Variants in NSD2 observed in about 807,000 individuals in gnomAD.
NSD2 encodes histone-lysine N-methyltransferase NSD2.
NSD2 carries 12 observed loss-of-function variants against 139.0 expected under a neutral mutation model. That is an observed-to-expected ratio of 0.09 (90% CI 0.06 to 0.14). The LOEUF is 0.14. Among genes scored for constraint, NSD2 ranks in the 10% least tolerant of loss-of-function variants. The pLI is 1.00. For synonymous variants in NSD2, 669 were observed against 648.7 expected, an observed-to-expected ratio of 1.03 and a Z score of -0.48; for missense variants, 1,155 against 1,745.0, an observed-to-expected ratio of 0.66 and a Z score of 6.02.
intron 5 of NSD2, among the ~76,000 whole-genome samples, chr4:1,924,177 TA>T (rs1293922227): frequency 6.6e-6 from 1 of 151,728 alleles, no homozygotes; most frequent in African/African-American, 2.4e-5. Context: ...CTACCAAAAA[TA>T]AAAATAAAAT....
chr4:1,957,908 T>G, intron 15 of NSD2, 25 bp from the exon 16 acceptor site: 1 of 1,606,614 alleles, frequency 6.2e-7, no homozygotes, highest in Non-Finnish European at 8.5e-7. Context: ...CTAAAATCTT[T>G]ACTCCTATTT....
rs115641423 is a variant in NSD2 at position 1,958,146 on chromosome 4, A to T, written c.2985+110A>T. On this transcript the variant is annotated intron_variant, in intron 16 of 21. Coordinates refer to ENST00000508803, the MANE Select transcript of NSD2 (RefSeq NM_001042424.3). The surrounding 1 kb of genome is among the most constrained non-coding windows in gnomAD (Gnocchi z 4.6). ...GCTGGGGAGAGGACTGTCACCAGCC[A>T]GGATCTGTGGTGCCTGGCATGGATG... 1.1e-3 allele frequency: 1,184 copies of T among 1,118,236 alleles called. 2 individuals carry two copies. The African/African-American group carries it at 0.015, about 14-fold the overall frequency. 69.3% of individuals were successfully genotyped at this position (1,118,236 alleles called of 1,614,324 possible).
chr4:1,965,549 T>A (rs1371782566), intron 18 of NSD2, among the ~76,000 whole-genome samples: 1 of 152,198 alleles, frequency 6.6e-6, no homozygotes, highest in East Asian at 1.9e-4. Context: ...GATCAAACTT[T>A]CGAAAACCAG....
At chr4:1,960,597 A>G (rs1725268535) in intron 17 of NSD2, among the ~76,000 whole-genome samples, 3 of 152,370 alleles carry the variant, frequency 2.0e-5, no homozygotes, top group South Asian at 4.1e-4. Flanking sequence ...CAGCAACAGC[A>G]CAAAAGGTTG....
chr4:1,885,180 G>A (rs1714996099), intron 1 of NSD2, among the ~76,000 whole-genome samples: 1 of 152,064 alleles, frequency 6.6e-6, no homozygotes, highest in Non-Finnish European at 1.5e-5. Flanking sequence ...AAATAGTGCT[G>A]CTTGTTTGTC....
intron 5 of NSD2, among the ~76,000 whole-genome samples, chr4:1,927,746 AAAAG>A (rs1226533306): frequency 2.3e-4 from 34 of 148,130 alleles, no homozygotes; most frequent in Non-Finnish European, 3.7e-4. Context: ...AAAAAAAAAA[AAAAG>A]CCGTGTAGGG....
Position 1,948,740 on chromosome 4 carries a change from A to G in NSD2, c.1882-2332A>G. ...TTATTTCCTCAAAACAGACTTTGTTAATGTAGGAAATCTCTCCAAGTGGAA... is the reference window on the plus strand; with the variant it reads ...TTATTTCCTCAAAACAGACTTTGTTGATGTAGGAAATCTCTCCAAGTGGAA... On this transcript the variant is annotated intron_variant, in intron 9 of 21. Transcript: ENST00000508803. This position sits in a 1 kb window ranked among gnomAD's most constrained non-coding sequence, Gnocchi z 4.5. The G allele has an allele frequency of 9.5e-7, 1 of 1,049,354 alleles. No individual in the cohort carries two copies. Among genetic ancestry groups the G allele is most frequent in the Non-Finnish European group, 1.2e-6 (1 of 868,222 alleles). 65.0% of individuals were successfully genotyped at this position (1,049,354 alleles called of 1,614,324 possible).
chr4:1,951,428 A>G (rs750267784), intron 10 of NSD2, among the ~76,000 whole-genome samples: 5 of 145,744 alleles, frequency 3.4e-5, no homozygotes, highest in Admixed American at 6.9e-5. Flanking sequence ...TGAGATTTGT[A>G]TACACATCAT....
intron 1 of NSD2, among the ~76,000 whole-genome samples, chr4:1,884,773 C>T (rs1188931764): frequency 6.6e-6 from 1 of 152,148 alleles, no homozygotes. Flanking sequence ...TTATTGGGTT[C>T]TTTTCAGTTG....
chr4:1,959,348 C>T (rs1725142434), intron 16 of NSD2, 123 bp from the exon 17 acceptor site: 4 of 1,124,902 alleles, frequency 3.6e-6, no homozygotes, highest in Non-Finnish European at 5.1e-6. Flanking sequence ...GTGTCCTAGC[C>T]AGGACTCTGA....
chr4:1,911,594 A>AG (rs1560621223), intron 3 of NSD2, among the ~76,000 whole-genome samples: 1 of 141,698 alleles, frequency 7.1e-6, no homozygotes, highest in Non-Finnish European at 1.6e-5. Context: ...TCTCAAAAAA[A>AG]AAAAAAAAAA....
chr4:1,957,814 T>C, intron 15 of NSD2, 119 bp from the exon 16 acceptor site: 1 of 973,640 alleles, frequency 1.0e-6, no homozygotes, highest in South Asian at 1.7e-5. Flanking sequence ...TCTAGTTTTA[T>C]GGGAACCAGA....
chr4:1,957,182 G>T (rs371036686), intron 15 of NSD2, among the ~76,000 whole-genome samples: 1 of 152,250 alleles, frequency 6.6e-6, no homozygotes, highest in East Asian at 1.9e-4. Context: ...TTCTTGGGAC[G>T]GATTGTAGGG....
intron 1 of NSD2, among the ~76,000 whole-genome samples, chr4:1,877,980 G>A (rs1577348839): frequency 6.6e-6 from 1 of 151,940 alleles, no homozygotes; most frequent in Admixed American, 6.6e-5. Flanking sequence ...AGGGAACCAC[G>A]ATTATGCCAC....
chr4:1,904,471 C>T (rs1179612799), intron 3 of NSD2, 93 bp downstream of exon 3: 7 of 1,362,814 alleles, frequency 5.1e-6, no homozygotes, highest in African/African-American at 1.5e-5. Flanking sequence ...CTAAATAGCC[C>T]TGCTATGGTT....
chr4:1,973,399 C>T lies in NSD2; in HGVS notation c.3373-1464C>T, dbSNP rs185360294. Reference sequence around the variant, plus strand: ...CCATGTGCATGCCCCGTGCTGTCCTCGTCCCCAGGGCCCTGCAGAAGTGGT... The same window carrying T: ...CCATGTGCATGCCCCGTGCTGTCCTTGTCCCCAGGGCCCTGCAGAAGTGGT... On this transcript the variant is annotated intron_variant, in intron 18 of 21. Transcript: ENST00000508803. The surrounding 1 kb of genome is among the most constrained non-coding windows in gnomAD (Gnocchi z 5.5). 2.0e-5 allele frequency among the ~76,000 whole-genome samples: 3 copies of T among 152,332 alleles called. No individual in the cohort carries two copies. Among genetic ancestry groups the T allele is most frequent in the East Asian group, 1.9e-4 (1 of 5,184 alleles).
intron 3 of NSD2, among the ~76,000 whole-genome samples, chr4:1,915,984 T>G (rs6814150): frequency 0.093 from 14,160 of 152,028 alleles, 2,022 homozygotes; most frequent in African/African-American, 0.31. Context: ...CTCCTTTCTT[T>G]TATTTTGGGC....
intron 2 of NSD2, among the ~76,000 whole-genome samples, chr4:1,903,047 T>C (rs1173767809): frequency 6.6e-6 from 1 of 152,114 alleles, no homozygotes; most frequent in Non-Finnish European, 1.5e-5. Flanking sequence ...TGGCACTGCC[T>C]GTGGTCCCAG....
At chr4:1,939,905 T>G (rs1722908035) in intron 9 of NSD2, 127 bp downstream of exon 9, 2 of 1,549,670 alleles carry the variant, frequency 1.3e-6, no homozygotes, top group African/African-American at 2.7e-5. Flanking sequence ...GTGCAGATGT[T>G]TTAGGGCCTC....
Sources: gnomAD v4.1 joint callset for allele counts (sites outside exome capture counted in the v4.1 genomes callset) on GRCh38, gnomAD v4.1.1 for gene constraint, Gnocchi (gnomAD v3.1) non-coding constraint, MANE v1.5 for transcripts, NCBI Gene and HGNC (gene_info 2026-07-23, HGNC 2026-07-21) for gene names.